ENOX1: variants seen among roughly 807,000 people sequenced by gnomAD.
ENOX1 encodes ecto-NOX disulfide-thiol exchanger 1, also known as candidate growth-related and time keeping constitutive hydroquinone (NADH) oxidase.
In ENOX1, 42 loss-of-function variants were observed where a neutral mutation model predicts 82.5. That is an observed-to-expected ratio of 0.51 (90% CI 0.40 to 0.66). The LOEUF (loss-of-function observed/expected upper bound fraction) is 0.66, where lower values mean the gene tolerates loss of function less well. Ranked by LOEUF, ENOX1 falls within the 30% of genes least tolerant of loss-of-function variation. The pLI is 0.00. For synonymous variants in ENOX1, 271 were observed against 282.2 expected, an observed-to-expected ratio of 0.96 and a Z score of 0.40; for missense variants, 608 against 811.6, an observed-to-expected ratio of 0.75 and a Z score of 3.05.
At chr13:43,679,245 T>C (rs1400357827) in intron 1 of ENOX1, among the ~76,000 whole-genome samples, 1 of 152,198 alleles carries the variant, frequency 6.6e-6, no homozygotes, top group African/African-American at 2.4e-5. Context: ...GTACCAAATG[T>C]TCCCAGATTT....
chr13:43,360,032 T>C lies in ENOX1; in HGVS notation c.408A>G (p.Glu136=), dbSNP rs1321726186. Reference sequence around the variant, plus strand: ...ACACGGTCTTACACCCAGGAGGTCGTTCTCTTGTGGAAGGAGGTGGAAGAT... The same window carrying C: ...ACACGGTCTTACACCCAGGAGGTCGCTCTCTTGTGGAAGGAGGTGGAAGAT... ...NPNLPPPSTR[E]RPPGCKTVFV... Residue 136 remains glutamate, a synonymous_variant, in exon 7 of 17, where the codon GAA becomes GAG. Transcript: ENST00000690772. 3.1e-6 allele frequency: 5 copies of C among 1,614,206 alleles called. No homozygotes were observed. The Admixed American group carries it at 5.0e-5, about 16-fold the overall frequency.
At chr13:43,364,108 T>C (rs1184552268) in intron 5 of ENOX1, among the ~76,000 whole-genome samples, 1 of 152,110 alleles carries the variant, frequency 6.6e-6, no homozygotes, top group Non-Finnish European at 1.5e-5. Context: ...TTTTTAACAA[T>C]ATATGTAAAG....
At chr13:43,522,640 G>A (rs920890531) in intron 2 of ENOX1, among the ~76,000 whole-genome samples, 4 of 152,152 alleles carry the variant, frequency 2.6e-5, no homozygotes, top group Non-Finnish European at 4.4e-5. Flanking sequence ...GACAGCAGGT[G>A]AGGGGGCCTG....
At chr13:43,347,722 T>C (rs1279742223) in intron 8 of ENOX1, among the ~76,000 whole-genome samples, 1 of 152,210 alleles carries the variant, frequency 6.6e-6, no homozygotes, top group Non-Finnish European at 1.5e-5. Flanking sequence ...GCTATTCATG[T>C]GGAAAGAAAT....
intron 11 of ENOX1, among the ~76,000 whole-genome samples, chr13:43,305,641 C>T (rs2046815708): frequency 6.6e-6 from 1 of 152,182 alleles, no homozygotes; most frequent in African/African-American, 2.4e-5. Flanking sequence ...CTAGGAGGTG[C>T]TGCTGGGCTG....
chr13:43,488,135 G>A (rs1593450863), intron 2 of ENOX1, among the ~76,000 whole-genome samples: 1 of 152,148 alleles, frequency 6.6e-6, no homozygotes, highest in African/African-American at 2.4e-5. Flanking sequence ...TCCTAGCCAT[G>A]GAAGGTCTAA....
intron 5 of ENOX1, among the ~76,000 whole-genome samples, chr13:43,391,059 C>G (rs930619369): frequency 3.9e-5 from 6 of 152,114 alleles, no homozygotes; most frequent in Admixed American, 6.5e-5. Context: ...ACTGACCTGA[C>G]TTCTATCCCC....
intron 15 of ENOX1, 149 bp from the exon 16 acceptor site, chr13:43,224,287 C>G: frequency 1.6e-6 from 1 of 632,556 alleles, no homozygotes; most frequent in South Asian, 1.9e-5. Flanking sequence ...TCAATAATAG[C>G]ACATTCTGAA....
chr13:43,778,044 C>T (rs1475974925), intron 1 of ENOX1, among the ~76,000 whole-genome samples: 1 of 152,198 alleles, frequency 6.6e-6, no homozygotes, highest in Non-Finnish European at 1.5e-5. Context: ...CACTCCACCA[C>T]TTCTTATAAT....
rs138188490 is a variant in ENOX1, at chr13:43,255,354, G to A, written c.1611+10044C>T. Among the ~76,000 whole-genome samples, 484 of 152,042 alleles carry A rather than the reference G, an allele frequency of 3.2e-3. 1 individual carries two copies. Among genetic ancestry groups the A allele is most frequent in the African/African-American group, 0.011 (452 of 41,482 alleles). ...AACATCATACAAGATAGGGAAAAAC[G>A]GAATGTTTTTCCTCTAATATCTGGA... On this transcript the variant is annotated intron_variant, in intron 14 of 16. Transcript: ENST00000690772.
intron 2 of ENOX1, among the ~76,000 whole-genome samples, chr13:43,541,173 GTTTTTTTT>G (rs553504525): frequency 0.012 from 749 of 64,600 alleles, 21 homozygotes; most frequent in African/African-American, 0.032. Flanking sequence ...TCTTCCCTCT[GTTTTTTTT>G]TTTTTTTTTT....
rs181007816 is a variant in ENOX1 at position 43,734,834 on chromosome 13, A to T, written c.-285+51818T>A. ...ACATATGAGATACAGTCACAAAAAT[A>T]GAGGACAGCTCTGGAAGACAGAATC... On this transcript the variant is annotated intron_variant, in intron 1 of 16. Transcript: ENST00000690772. 3.3e-3 allele frequency among the ~76,000 whole-genome samples: 506 copies of T among 152,318 alleles called. 7 individuals are homozygous for T. The highest frequency in any genetic ancestry group is 0.012 in the African/African-American group (487 of 41,576).
chr13:43,616,204 A>ATATAGATATATATATATATATATTT (rs1457149422), intron 2 of ENOX1, among the ~76,000 whole-genome samples: 1 of 15,300 alleles, frequency 6.5e-5, no homozygotes, highest in African/African-American at 1.1e-4. Flanking sequence ...ATATATATAT[A>ATATAGATATATATATATATATATTT]TTTTTTTTTT....
Position 43,640,972 on chromosome 13 carries a change from T to C in ENOX1, c.-219+26507A>G, listed in dbSNP as rs903167544. Among the ~76,000 whole-genome samples, 4 of 151,778 alleles carry C rather than the reference T, an allele frequency of 2.6e-5. No homozygotes were observed. In the East Asian group the frequency reaches 5.8e-4, roughly 22 times the overall value. ...AGCAAAATCAACCTTAAGTAAAACA[T>C]AGAACAATCTTTCACTATTTTTCCT... is the stretch of plus-strand genomic sequence containing the variant. On this transcript the variant is annotated intron_variant, in intron 2 of 16. Coordinates refer to ENST00000690772, the MANE Select transcript of ENOX1 (RefSeq NM_001347969.2).
At chr13:43,477,603 G>T (rs548260156) in intron 3 of ENOX1, among the ~76,000 whole-genome samples, 4 of 152,128 alleles carry the variant, frequency 2.6e-5, no homozygotes, top group Non-Finnish European at 4.4e-5. Flanking sequence ...TTTGGCAAAT[G>T]AATGGTCATT....
At chr13:43,351,407 ATTTATTTTAT>A (rs1202397688) in intron 8 of ENOX1, among the ~76,000 whole-genome samples, 4 of 135,648 alleles carry the variant, frequency 2.9e-5, no homozygotes, top group Non-Finnish European at 6.3e-5. Context: ...TATTTTATTT[ATTTATTTTAT>A]TTATTTATTT....
chr13:43,624,645 G>A (rs1435824127), intron 2 of ENOX1, among the ~76,000 whole-genome samples: 1 of 152,026 alleles, frequency 6.6e-6, no homozygotes, highest in East Asian at 1.9e-4. Context: ...TATTTAAAGA[G>A]CATCTTGTCT....
At chr13:43,576,427 C>G (rs1018586076) in intron 2 of ENOX1, among the ~76,000 whole-genome samples, 2 of 152,166 alleles carry the variant, frequency 1.3e-5, no homozygotes, top group South Asian at 4.2e-4. Flanking sequence ...CTTAGAATTA[C>G]TTTTTCAATG....
At chr13:43,661,503 C>T (rs1010402231) in intron 2 of ENOX1, among the ~76,000 whole-genome samples, 2 of 152,138 alleles carry the variant, frequency 1.3e-5, no homozygotes, top group South Asian at 4.1e-4. Context: ...AACAAAGAGA[C>T]ATTGATGTTT....
Sources: gnomAD v4.1 joint callset for allele counts (sites outside exome capture counted in the v4.1 genomes callset) on GRCh38, gnomAD v4.1.1 for gene constraint, MANE v1.5 for transcripts, NCBI Gene and HGNC (gene_info 2026-07-23, HGNC 2026-07-21) for gene names.